Variants in ITPK1 observed in about 807,000 individuals in gnomAD.
The protein encoded by ITPK1 is inositol-tetrakisphosphate 1-kinase.
ITPK1 carries 21 observed loss-of-function variants against 45.3 expected under a neutral mutation model. The ratio of observed to expected loss-of-function variants is 0.46; its 90% CI spans 0.33 to 0.67. The LOEUF is 0.67. Among genes scored for constraint, ITPK1 ranks in the 30% least tolerant of loss-of-function variants. ITPK1 has a pLI of 0.02. For synonymous variants in ITPK1, 258 were observed against 253.6 expected (o/e 1.02, Z -0.16); for missense variants, 474 against 573.5 (o/e 0.83, Z 1.77).
At chr14:93,057,474 C>A (rs1256207825) in intron 3 of ITPK1, among the ~76,000 whole-genome samples, 1 of 152,190 alleles carries the variant, frequency 6.6e-6, no homozygotes, top group African/African-American at 2.4e-5. Flanking sequence ...GGCCTCAGAT[C>A]CCTGGATTCT....
chr14:92,979,042 G>A lies in ITPK1; in HGVS notation c.364+14838C>T, dbSNP rs1468425192. ...GAGGGCTGTACCCTGCAGAGCCACA[G>A]GGGTGGAGCTGCCCAAGTCTTGTGA... On this transcript the variant is annotated intron_variant, in intron 5 of 10. Transcript: ENST00000267615. Among the ~76,000 whole-genome samples the A allele has an allele frequency of 2.0e-5, 3 of 152,162 alleles. No homozygotes were observed. The East Asian group carries it at 5.8e-4, about 29-fold the overall frequency.
At chr14:93,079,132 T>TA (rs1200967232) in intron 2 of ITPK1, among the ~76,000 whole-genome samples, 8 of 151,982 alleles carry the variant, frequency 5.3e-5, no homozygotes, top group Admixed American at 2.6e-4. Flanking sequence ...CCCTTAGTCC[T>TA]AAAAAAACAG....
intron 2 of ITPK1, among the ~76,000 whole-genome samples, chr14:93,088,801 A>C (rs1008793983): frequency 2.6e-5 from 4 of 152,010 alleles, no homozygotes; most frequent in Non-Finnish European, 5.9e-5. Context: ...CTGGCCTGTC[A>C]CCTCTTTTCA....
chr14:93,049,170 T>C (rs1337655278), intron 3 of ITPK1, among the ~76,000 whole-genome samples: 1 of 152,144 alleles, frequency 6.6e-6, no homozygotes, highest in Admixed American at 6.5e-5. Flanking sequence ...AATAACAGAT[T>C]CCATTTGCCC....
chr14:93,028,888 G>C (rs1888890277), intron 3 of ITPK1, among the ~76,000 whole-genome samples: 7 of 152,200 alleles, frequency 4.6e-5, no homozygotes, highest in Admixed American at 4.6e-4. Context: ...GCCTACTCAG[G>C]GAGAACAGAG....
At chr14:93,098,216 G>A (rs1390956931) in intron 2 of ITPK1, among the ~76,000 whole-genome samples, 1 of 152,028 alleles carries the variant, frequency 6.6e-6, no homozygotes, top group Non-Finnish European at 1.5e-5. Context: ...CAGCACTTTG[G>A]GAGGCCAAGA....
Position 92,940,460 on chromosome 14 carries a change from C to A in ITPK1, c.*1101G>T. 9.0e-7 allele frequency: 1 copy of A among 1,115,830 alleles called. No homozygotes were observed. The highest frequency in any genetic ancestry group is 1.1e-6 in the Non-Finnish European group (1 of 904,736). The allele number at this position is 1,115,830 out of a possible 1,614,324, so 69.1% of individuals were successfully genotyped here. On this transcript the variant is annotated 3_prime_UTR_variant, in exon 11 of 11. Transcript: ENST00000267615. ...TGCAGAAGCGATGGGGGGCGGGTGG[C>A]TCCCTGGCACCTGCTGGCTCAGTGC... is the stretch of plus-strand genomic sequence containing the variant.
At chr14:93,109,830 G>A (rs1371564385) in intron 2 of ITPK1, among the ~76,000 whole-genome samples, 4 of 152,182 alleles carry the variant, frequency 2.6e-5, no homozygotes, top group Non-Finnish European at 2.9e-5. Context: ...TTCAGCCATC[G>A]TGGCCTTCAG....
chr14:92,977,790 T>C (rs1886023881), intron 5 of ITPK1, among the ~76,000 whole-genome samples: 2 of 151,694 alleles, frequency 1.3e-5, no homozygotes, highest in Admixed American at 1.3e-4. Context: ...GAACCGGGAG[T>C]CAACTAAAAC....
At chr14:93,106,742 CCA>C (rs1195721374) in intron 2 of ITPK1, among the ~76,000 whole-genome samples, 5 of 152,150 alleles carry the variant, frequency 3.3e-5, no homozygotes, top group Non-Finnish European at 7.4e-5. Flanking sequence ...CCGGCAAGGA[CCA>C]GCACCCAGCA....
intron 8 of ITPK1, among the ~76,000 whole-genome samples, chr14:92,952,230 C>T (rs550132517): frequency 4.6e-5 from 7 of 152,294 alleles, no homozygotes; most frequent in Admixed American, 3.3e-4. Flanking sequence ...TAAAAGTAAC[C>T]GATGTAATGA....
rs1459281920 is a variant in ITPK1 at position 92,958,756 on chromosome 14, G to A, written c.505-390C>T. Among the ~76,000 whole-genome samples the A allele has an allele frequency of 6.6e-6, 1 of 152,194 alleles. No individual in the cohort carries two copies. Among genetic ancestry groups the A allele is most frequent in the African/African-American group, 2.4e-5 (1 of 41,428 alleles). On this transcript the variant is annotated intron_variant, in intron 7 of 10. Coordinates refer to ENST00000267615, the MANE Select transcript of ITPK1 (RefSeq NM_014216.6). This position sits in a 1 kb window ranked among gnomAD's most constrained non-coding sequence, Gnocchi z 4.4. ...TCCACAAAGACCCGGGAGGAGGAAG[G>A]AAGCAGATGACTCGGGCGCAGGAGT...
chr14:93,013,969 C>A (rs1027419777), intron 4 of ITPK1, among the ~76,000 whole-genome samples: 4 of 152,186 alleles, frequency 2.6e-5, no homozygotes, highest in Non-Finnish European at 5.9e-5. Flanking sequence ...CTCAGTCATT[C>A]TCTGTGCCAA....
chr14:93,075,754 C>A (rs1464301058), intron 3 of ITPK1, among the ~76,000 whole-genome samples: 3 of 152,202 alleles, frequency 2.0e-5, no homozygotes, highest in Admixed American at 6.5e-5. Flanking sequence ...GGGCCAGCAC[C>A]TCCACTGCCC....
chr14:92,943,955 C>G (rs573384740), intron 10 of ITPK1, among the ~76,000 whole-genome samples: 1 of 152,336 alleles, frequency 6.6e-6, no homozygotes, highest in Admixed American at 6.5e-5. Flanking sequence ...GGGCCCCATC[C>G]AGCTCCACCA....
chr14:93,079,594 G>A (rs1891359652), intron 2 of ITPK1, among the ~76,000 whole-genome samples: 1 of 152,186 alleles, frequency 6.6e-6, no homozygotes, highest in Non-Finnish European at 1.5e-5. Context: ...GGTGGCAGCG[G>A]AAAACTGCAT....
At chr14:93,107,595 T>C (rs759400003) in intron 2 of ITPK1, among the ~76,000 whole-genome samples, 43 of 152,106 alleles carry the variant, frequency 2.8e-4, no homozygotes, top group African/African-American at 3.9e-4. Context: ...TGGAACATCA[T>C]GAGCAATTAA....
chr14:93,019,197 C>T lies in ITPK1; in HGVS notation c.121-2396G>A, dbSNP rs557215938. On this transcript the variant is annotated intron_variant, in intron 3 of 10. Coordinates refer to ENST00000267615, the MANE Select transcript of ITPK1 (RefSeq NM_014216.6). ...CGCAGGGGGAGCCGGGCCACAGGAG[C>T]GACGCATCCGGGCCCACAGAACCCC... Among the ~76,000 whole-genome samples, 15 of 152,286 alleles carry T rather than the reference C, an allele frequency of 9.8e-5. No homozygotes were observed. The South Asian group carries it at 3.1e-3, about 32-fold the overall frequency.
Position 92,940,626 on chromosome 14 carries a change from G to A in ITPK1, c.*935C>T. ...GGCTCCCGCGCCTATCCTCACCTAG[G>A]TGACTTTATGGAAAGGCAGGCTGCA... On this transcript the variant is annotated 3_prime_UTR_variant, in exon 11 of 11. Transcript: ENST00000267615. The A allele has an allele frequency of 8.2e-7, 1 of 1,224,892 alleles. No individual in the cohort carries two copies. The highest frequency in any genetic ancestry group is 1.4e-5 in the South Asian group (1 of 69,936). 75.9% of individuals were successfully genotyped at this position (1,224,892 alleles called of 1,614,324 possible).
Sources: gnomAD v4.1 joint callset for allele counts (sites outside exome capture counted in the v4.1 genomes callset) on GRCh38, gnomAD v4.1.1 for gene constraint, Gnocchi (gnomAD v3.1) non-coding constraint, MANE v1.5 for transcripts, NCBI Gene and HGNC (gene_info 2026-07-23, HGNC 2026-07-21) for gene names.